GPR180: variants seen among roughly 807,000 people sequenced by gnomAD.
GPR180 encodes G protein-coupled receptor 180.
A neutral mutation model predicts 52.6 loss-of-function variants in GPR180; 53 were observed. The observed-to-expected ratio is 1.01, with a 90% confidence interval of 0.81 to 1.27. GPR180 has a LOEUF of 1.27. GPR180 is among the 50% of genes most tolerant of loss of function. The pLI is 0.00. For synonymous variants in GPR180, 200 were observed against 193.1 expected (o/e 1.04, Z -0.30); for missense variants, 533 against 527.0 (o/e 1.01, Z -0.11).
intron 3 of GPR180, among the ~76,000 whole-genome samples, chr13:94,615,748 T>C (rs1889769081): frequency 1.3e-5 from 2 of 152,214 alleles, no homozygotes; most frequent in Non-Finnish European, 2.9e-5. Context: ...ACTGGAATAA[T>C]ACTACAGGCT....
In GPR180 at chr13:94,604,394, T is replaced by G. The variant is rs1439309050; in HGVS notation, c.146-997T>G. On this transcript the variant is annotated intron_variant, in intron 1 of 8. Transcript: ENST00000376958. ...GGCCAACATGGTGAAACGCTGTCTC[T>G]ACTAAAAATACAAAAATTAGCTGGA... Among the ~76,000 whole-genome samples the G allele has an allele frequency of 2.0e-5, 3 of 150,546 alleles. No homozygotes were observed. In the East Asian group the frequency reaches 5.9e-4, roughly 29 times the overall value.
chr13:94,619,043 G>C, intron 3 of GPR180, 107 bp from the exon 4 acceptor site: 1 of 926,782 alleles, frequency 1.1e-6, no homozygotes, highest in South Asian at 2.0e-5. Context: ...TATGACTCCA[G>C]TTAAAAAACA....
chr13:94,624,347 T>C (rs1416356391), intron 7 of GPR180, among the ~76,000 whole-genome samples: 1 of 152,116 alleles, frequency 6.6e-6, no homozygotes, highest in Non-Finnish European at 1.5e-5. Flanking sequence ...GAGGCAGCTA[T>C]GGAAGGAGAG....
intron 3 of GPR180, 136 bp from the exon 4 acceptor site, chr13:94,619,014 C>G (rs1373797403): frequency 7.3e-6 from 5 of 689,526 alleles, no homozygotes; most frequent in Non-Finnish European, 1.1e-5. Flanking sequence ...AATTTTTTTT[C>G]TCTTACAAAG....
Position 94,612,346 on chromosome 13 carries a change from A to G in GPR180, c.461A>G (p.Asp154Gly). 2 of 1,613,690 alleles carry G rather than the reference A, an allele frequency of 1.2e-6. No individual in the cohort carries two copies. The highest frequency in any genetic ancestry group is 8.5e-7 in the Non-Finnish European group (1 of 1,179,568). ...IPFEMVLLNP[D>G]AEGNPFDHFS... ...TTTGAAATGGTGTTACTAAACCCAG[A>G]TGCCGAAGGGAATCCATTTGATCAT... Residue 154 changes from aspartate (D) to glycine (G), a missense_variant, in exon 3 of 9, where the codon GAT (aspartate) becomes GGT (glycine). Physicochemically the swap from Asp to Gly is moderately conservative, Grantham distance 94. Transcript: ENST00000376958.
chr13:94,626,858 T>C (rs1467728006), intron 8 of GPR180, among the ~76,000 whole-genome samples, 155 bp from the exon 9 acceptor site: 1 of 152,150 alleles, frequency 6.6e-6, no homozygotes, highest in Non-Finnish European at 1.5e-5. Flanking sequence ...TTCTGAGCAT[T>C]AGTCAGAAAA....
chr13:94,607,118 C>G (rs1004474453), intron 2 of GPR180, among the ~76,000 whole-genome samples: 5 of 152,144 alleles, frequency 3.3e-5, no homozygotes, highest in Non-Finnish European at 7.4e-5. Context: ...GTTGAGAAAC[C>G]AAGGTGTCTT....
At chr13:94,602,120 G>A in intron 1 of GPR180, 48 bp downstream of exon 1, 3 of 1,271,520 alleles carry the variant, frequency 2.4e-6, no homozygotes, top group Non-Finnish European at 3.0e-6. Flanking sequence ...GGCCCATCCC[G>A]CCGGCTGAGT....
chr13:94,605,414 A>G lies in GPR180; in HGVS notation c.169A>G (p.Arg57Gly). The change falls in exon 2 of 9, where the codon AGA becomes GGA. Residue 57 changes from arginine (R) to glycine (G), a missense_variant. Arg to Gly is a moderately radical substitution (Grantham distance 125, BLOSUM62 -2). Coordinates refer to ENST00000376958, the MANE Select transcript of GPR180 (RefSeq NM_180989.6). The part of the protein sequence containing the change: ...FHGDHALLCV[R>G]INNIAVAVGK... Reference sequence around the variant, plus strand: ...AGGTGACCATGCTCTTCTGTGTGTCAGAATCAACAACATAGCAGTAGCTGT... The same window carrying G: ...AGGTGACCATGCTCTTCTGTGTGTCGGAATCAACAACATAGCAGTAGCTGT... The G allele has an allele frequency of 3.1e-6, 5 of 1,614,090 alleles. No homozygotes were observed. Among genetic ancestry groups the G allele is most frequent in the Non-Finnish European group, 4.2e-6 (5 of 1,179,998 alleles).
rs2138576318 is a variant in GPR180 at position 94,634,034 on chromosome 13, A to G, written c.*6863A>G. The G allele has an allele frequency of 6.6e-6, 1 of 152,182 alleles. No individual in the cohort carries two copies. The highest frequency in any genetic ancestry group is 1.9e-4 in the East Asian group (1 of 5,180). The allele number at this position is 152,182 out of a possible 1,614,324, so 9.4% of individuals were successfully genotyped here. On this transcript the variant is annotated 3_prime_UTR_variant, in exon 9 of 9. Transcript: ENST00000376958. ...GATCTGGTACCACACTGTTTCAATT[A>G]TTGTAGTCTTAAAATTGCTGTACGC...
At chr13:94,611,518 G>A (rs1054260790) in intron 2 of GPR180, among the ~76,000 whole-genome samples, 3 of 151,758 alleles carry the variant, frequency 2.0e-5, no homozygotes, top group Admixed American at 6.6e-5. Context: ...TAACCAACCC[G>A]GAAACTGTGA....
At chr13:94,604,213 A>T (rs1466716796) in intron 1 of GPR180, among the ~76,000 whole-genome samples, 7 of 152,164 alleles carry the variant, frequency 4.6e-5, no homozygotes, top group Non-Finnish European at 1.0e-4. Flanking sequence ...GGTGCCTGTA[A>T]TCCCAGCTAT....
Position 94,627,432 on chromosome 13 carries a change from A to G in GPR180, c.*261A>G. ...TGAAGCGATTTCTATGTGGAAATAAATGTGAAAAATAACTATGATATTTTG... is the reference window on the plus strand; with the variant it reads ...TGAAGCGATTTCTATGTGGAAATAAGTGTGAAAAATAACTATGATATTTTG... On this transcript the variant is annotated 3_prime_UTR_variant, in exon 9 of 9. Transcript: ENST00000376958. 2.5e-6 allele frequency: 1 copy of G among 402,272 alleles called. No individual in the cohort carries two copies. The highest frequency in any genetic ancestry group is 4.4e-6 in the Non-Finnish European group (1 of 229,338). The allele number at this position is 402,272 out of a possible 1,614,324, so 24.9% of individuals were successfully genotyped here.
Position 94,601,907 on chromosome 13 carries a change from G to T in GPR180, c.-21G>T. ...GCCGGCGGCTGGGAGCCGAGGCGTC[G>T]GTGCAGACCTGGAGACGGGCATGGG... On this transcript the variant is annotated 5_prime_UTR_variant, in exon 1 of 9. Coordinates refer to ENST00000376958, the MANE Select transcript of GPR180 (RefSeq NM_180989.6). 2 of 1,412,202 alleles carry T rather than the reference G, an allele frequency of 1.4e-6. No individual in the cohort carries two copies. The highest frequency in any genetic ancestry group is 1.8e-6 in the Non-Finnish European group (2 of 1,084,902). The allele number at this position is 1,412,202 out of a possible 1,614,324, so 87.5% of individuals were successfully genotyped here.
At chr13:94,619,361 C>T (rs986765022) in intron 4 of GPR180, 31 bp downstream of exon 4, 2 of 1,609,148 alleles carry the variant, frequency 1.2e-6, no homozygotes, top group South Asian at 2.2e-5. Flanking sequence ...CTGTGTTCAT[C>T]ATTACATCTA....
Position 94,630,956 on chromosome 13 carries a change from C to G in GPR180, c.*3785C>G, listed in dbSNP as rs1352255019. 3.3e-5 allele frequency: 5 copies of G among 152,288 alleles called. No homozygotes were observed. Among genetic ancestry groups the G allele is most frequent in the Admixed American group, 6.5e-5 (1 of 15,288 alleles). 9.4% of individuals were successfully genotyped at this position (152,288 alleles called of 1,614,324 possible). A position where few individuals can be genotyped will look rare whatever the true frequency, so the allele number is the denominator to read the frequency against. On this transcript the variant is annotated 3_prime_UTR_variant, in exon 9 of 9. Transcript: ENST00000376958. ...GTAAAGTAGCAGCCAGATCTGCATT[C>G]TTTTTGTAAGAGGAAGGGCCAGACA...
At position 94,601,924 on chromosome 13, in the gene GPR180, G is replaced by T. The variant is rs535939115; in HGVS notation, c.-4G>T. On this transcript the variant is annotated 5_prime_UTR_variant, in exon 1 of 9. Transcript: ENST00000376958. ...GAGGCGTCGGTGCAGACCTGGAGAC[G>T]GGCATGGGGGGGCTGCGGCTGCTGG... The T allele has an allele frequency of 2.7e-6, 4 of 1,484,120 alleles. No homozygotes were observed. Among genetic ancestry groups the T allele is most frequent in the African/African-American group, 1.5e-5 (1 of 68,910 alleles). 91.9% of individuals were successfully genotyped at this position (1,484,120 alleles called of 1,614,324 possible). A position where few individuals can be genotyped will look rare whatever the true frequency, so the allele number is the denominator to read the frequency against.
At chr13:94,611,889 GAAAA>G (rs112244645) in intron 2 of GPR180, among the ~76,000 whole-genome samples, 5 of 135,076 alleles carry the variant, frequency 3.7e-5, no homozygotes, top group South Asian at 2.5e-4. Context: ...AAACCAAAAA[GAAAA>G]AAAAAAAAAA....
chr13:94,621,789 G>T (rs1215882121), intron 6 of GPR180, among the ~76,000 whole-genome samples: 3 of 152,184 alleles, frequency 2.0e-5, no homozygotes, highest in African/African-American at 4.8e-5. Context: ...TAAAGGTCCT[G>T]CATGCCTTTT....
Sources: allele counts gnomAD v4.1 joint callset (sites outside exome capture counted in the v4.1 genomes callset), GRCh38; gene constraint gnomAD v4.1.1; transcripts MANE v1.5; gene names NCBI Gene and HGNC (gene_info 2026-07-23, HGNC 2026-07-21).